Variants in ZYG11A observed in about 807,000 individuals in gnomAD.
ZYG11A encodes the protein zyg-11 family member A, cell cycle regulator.
Under a neutral mutation model 77.2 loss-of-function variants are expected in ZYG11A, and 62 were observed. The observed-to-expected ratio is 0.80, with a 90% CI of 0.65 to 0.99. The LOEUF (loss-of-function observed/expected upper bound fraction) is 0.99, where lower values mean the gene tolerates loss of function less well. Among genes scored for constraint, ZYG11A ranks in the 50% least tolerant of loss-of-function variants. ZYG11A has a pLI of 0.00. For synonymous variants in ZYG11A, 315 were observed against 324.6 expected (o/e 0.97, Z 0.32); for missense variants, 828 against 896.8 (o/e 0.92, Z 0.98).
At chr1:52,865,739 A>T (rs1160800546) in intron 5 of ZYG11A, among the ~76,000 whole-genome samples, 1 of 152,156 alleles carries the variant, frequency 6.6e-6, no homozygotes, top group East Asian at 1.9e-4. Flanking sequence ...TTCCATTTGC[A>T]TAACACCTTA....
intron 3 of ZYG11A, among the ~76,000 whole-genome samples, chr1:52,859,667 CTTTTTTT>C (rs60756718): frequency 1.6e-4 from 7 of 42,904 alleles, no homozygotes; most frequent in East Asian, 4.2e-4. Context: ...TGTGTATTGC[CTTTTTTT>C]TTTTTTTTTT....
rs192650239 is a variant in ZYG11A, at chr1:52,851,957, C to T, written c.91-2508C>T. Among the ~76,000 whole-genome samples, 16 of 150,816 alleles carry T rather than the reference C, an allele frequency of 1.1e-4. No individual in the cohort carries two copies. In the East Asian group the frequency reaches 2.4e-3, roughly 22 times the overall value. On this transcript the variant is annotated intron_variant, in intron 1 of 13. Coordinates refer to ENST00000371528, the MANE Select transcript of ZYG11A (RefSeq NM_001004339.3). ...AATGATGGAGTCTTGCACTGTCACC[C>T]GGGCTGGTGTACAGTGGCACAATCT...
intron 8 of ZYG11A, among the ~76,000 whole-genome samples, chr1:52,877,220 A>G (rs879569522): frequency 3.9e-5 from 6 of 152,000 alleles, no homozygotes; most frequent in Non-Finnish European, 7.4e-5. Context: ...CTTTGTATGG[A>G]GGCTTCCCTC....
chr1:52,870,874 TGGGGAG>T (rs1164726824), intron 8 of ZYG11A, among the ~76,000 whole-genome samples: 1 of 128,434 alleles, frequency 7.8e-6, no homozygotes, highest in South Asian at 2.5e-4. Flanking sequence ...AGGGAGACCG[TGGGGAG>T]GGGGAGGGGG....
intron 8 of ZYG11A, 113 bp from the exon 9 acceptor site, chr1:52,877,569 G>GTT (rs1376290494): frequency 1.7e-5 from 13 of 759,258 alleles, no homozygotes; most frequent in Non-Finnish European, 2.5e-5. Flanking sequence ...CTACTAAGTG[G>GTT]CAGAACTTGG....
chr1:52,867,976 T>C lies in ZYG11A; in HGVS notation c.1542+199T>C, dbSNP rs1646059534. On this transcript the variant is annotated intron_variant, in intron 8 of 13. Coordinates refer to ENST00000371528, the MANE Select transcript of ZYG11A (RefSeq NM_001004339.3). ...CACATTTCTTTTTTTTTTTTTTTTT[T>C]TTTTTTTTGAGACAGAGTCTCACTC... Among the ~76,000 whole-genome samples the C allele has an allele frequency of 2.8e-5, 4 of 141,606 alleles. No individual in the cohort carries two copies. The South Asian group carries it at 9.3e-4, about 33-fold the overall frequency. 92.9% of individuals were successfully genotyped at this position (141,606 alleles called of 152,430 possible). A position where few individuals can be genotyped will look rare whatever the true frequency, so the allele number is the denominator to read the frequency against.
chr1:52,854,525 G>C lies in ZYG11A; in HGVS notation c.151G>C (p.Glu51Gln). ...ICLNVLIANL[E>Q]KLCSERPDGT... Reference sequence around the variant, plus strand: ...CCTGAATGTCCTGATTGCTAACCTGGAGAAATTGTGTTCTGAAAGACCTGA... The same window carrying C: ...CCTGAATGTCCTGATTGCTAACCTGCAGAAATTGTGTTCTGAAAGACCTGA... Residue 51 changes from glutamate to glutamine, a missense_variant, in exon 2 of 14, where the codon GAG (glutamate) becomes CAG (glutamine). Transcript: ENST00000371528. 6.4e-7 allele frequency: 1 copy of C among 1,551,716 alleles called. No homozygotes were observed. The highest frequency in any genetic ancestry group is 8.7e-7 in the Non-Finnish European group (1 of 1,146,778).
chr1:52,881,601 T>C lies in ZYG11A; in HGVS notation c.1880T>C (p.Leu627Pro). Residue 627 changes from leucine (L) to proline (P), a missense_variant, in exon 11 of 14, where the codon CTG becomes CCG. By Grantham distance (98) the Leu-to-Pro change is moderately conservative. Transcript: ENST00000371528. ...TTTGCTGCAGGTATCATAGCCCACC[T>C]GACATCTGACAGACAGCTTTGGATA... is the stretch of plus-strand genomic sequence containing the variant. ...SYFAAGIIAH[L>P]TSDRQLWISR... 1 of 1,552,362 alleles carries C rather than the reference T, an allele frequency of 6.4e-7. No individual in the cohort carries two copies.
chr1:52,882,038 G>T (rs1434373453), intron 11 of ZYG11A, among the ~76,000 whole-genome samples: 1 of 152,016 alleles, frequency 6.6e-6, no homozygotes, highest in African/African-American at 2.4e-5. Flanking sequence ...GAGACTATAG[G>T]TGTGTGCCAC....
intron 4 of ZYG11A, 70 bp from the exon 5 acceptor site, chr1:52,863,911 C>A: frequency 7.2e-7 from 1 of 1,384,930 alleles, no homozygotes; most frequent in Non-Finnish European, 9.7e-7. Context: ...TTGTGCCAAT[C>A]AAAACATGCA....
intron 10 of ZYG11A, among the ~76,000 whole-genome samples, chr1:52,879,277 G>T (rs1646320211): frequency 6.6e-6 from 1 of 152,138 alleles, no homozygotes; most frequent in African/African-American, 2.4e-5. Context: ...TCATAACTTT[G>T]GGAAGGCAGT....
chr1:52,873,821 T>C (rs1455924868), intron 8 of ZYG11A, among the ~76,000 whole-genome samples: 1 of 151,838 alleles, frequency 6.6e-6, no homozygotes, highest in Non-Finnish European at 1.5e-5. Context: ...CCATCTCTAC[T>C]AAAACTACAA....
intron 4 of ZYG11A, among the ~76,000 whole-genome samples, chr1:52,861,098 T>G (rs1645918944): frequency 6.6e-6 from 1 of 152,102 alleles, no homozygotes; most frequent in Admixed American, 6.6e-5. Flanking sequence ...TTGGTCTAAG[T>G]AAGGGAATAA....
rs760367710 is a variant in ZYG11A, at chr1:52,857,339, A to G, written c.598A>G (p.Asn200Asp). 1 of 1,551,844 alleles carries G rather than the reference A, an allele frequency of 6.4e-7. No homozygotes were observed. The highest frequency in any genetic ancestry group is 1.2e-5 in the South Asian group (1 of 84,056). The change falls in exon 3 of 14, where the codon AAT becomes GAT. Residue 200 changes from asparagine (N) to aspartate (D), a missense_variant. Coordinates refer to ENST00000371528, the MANE Select transcript of ZYG11A (RefSeq NM_001004339.3). ...TTGTTTTCATACTGAAGACCTGGCT[A>G]ATGTTTCTCAGTTACCAAGACTGGA... The part of the protein sequence containing the change: ...NVCFHTEDLA[N>D]VSQLPRLESL...
rs547918730 is a variant in ZYG11A, at chr1:52,872,744, A to G, written c.1543-4938A>G. Among the ~76,000 whole-genome samples, 82 of 151,210 alleles carry G rather than the reference A, an allele frequency of 5.4e-4. 1 individual carries two copies. The highest frequency in any genetic ancestry group is 1.8e-3 in the African/African-American group (75 of 41,368). On this transcript the variant is annotated intron_variant, in intron 8 of 13. Transcript: ENST00000371528. Reference sequence around the variant, plus strand: ...AAAAATACAAAAAAATTAGCCCGGCATGGTGGCAAATGCCTGTAATCCTAG... The same window carrying G: ...AAAAATACAAAAAAATTAGCCCGGCGTGGTGGCAAATGCCTGTAATCCTAG...
At chr1:52,868,126 T>C (rs492582) in intron 8 of ZYG11A, among the ~76,000 whole-genome samples, 112,957 of 151,250 alleles carry the variant, frequency 0.75, 43,356 homozygotes, top group African/African-American at 0.94. Context: ...TCACCACACC[T>C]GGCTAATTTT....
intron 1 of ZYG11A, among the ~76,000 whole-genome samples, chr1:52,843,285 C>T (rs906589739): frequency 6.6e-6 from 1 of 152,214 alleles, no homozygotes; most frequent in East Asian, 1.9e-4. Context: ...CAGGATTCCT[C>T]GCCCCAGTGC....
At chr1:52,866,598 G>T (rs1371632843) in intron 6 of ZYG11A, 31 bp downstream of exon 6, 2 of 1,391,314 alleles carry the variant, frequency 1.4e-6, no homozygotes, top group Non-Finnish European at 2.0e-6. Flanking sequence ...TTTGACTGGG[G>T]TGTTGGCCTT....
chr1:52,883,443 T>C (rs1646394732), intron 11 of ZYG11A, among the ~76,000 whole-genome samples: 1 of 151,524 alleles, frequency 6.6e-6, no homozygotes, highest in Admixed American at 6.6e-5. Flanking sequence ...AAAAGATTTT[T>C]TTTTTTTTGA....
Sources: allele counts gnomAD v4.1 joint callset (sites outside exome capture counted in the v4.1 genomes callset), GRCh38; gene constraint gnomAD v4.1.1; transcripts MANE v1.5; gene names NCBI Gene and HGNC (gene_info 2026-07-23, HGNC 2026-07-21).